Variants in ERC2 observed in about 807,000 individuals in gnomAD.
The protein encoded by ERC2 is ERC protein 2.
In ERC2, 42 loss-of-function variants were observed where a neutral mutation model predicts 114.8. The ratio of observed to expected loss-of-function variants is 0.37; its 90% CI spans 0.29 to 0.47. The LOEUF is 0.47. ERC2 is among the 20% of genes least tolerant of loss of function. ERC2 has a pLI of 0.99. For synonymous variants in ERC2, 454 were observed against 425.5 expected (o/e 1.07, Z -0.82); for missense variants, 939 against 1,150.7 (o/e 0.82, Z 2.66).
chr3:56,105,739 A>T (rs1341224115), intron 6 of ERC2, among the ~76,000 whole-genome samples: 1 of 152,188 alleles, frequency 6.6e-6, no homozygotes, highest in African/African-American at 2.4e-5. Context: ...TCCAGATAAG[A>T]ATTGACTGTG....
At chr3:55,633,902 G>A (rs78370739) in intron 17 of ERC2, among the ~76,000 whole-genome samples, 3,930 of 152,248 alleles carry the variant, frequency 0.026, 179 homozygotes, top group African/African-American at 0.089. Flanking sequence ...CACCATGCCT[G>A]GGAGTCAAGG....
At chr3:55,895,579 A>G (rs1277700299) in intron 13 of ERC2, among the ~76,000 whole-genome samples, 1 of 152,158 alleles carries the variant, frequency 6.6e-6, no homozygotes, top group Non-Finnish European at 1.5e-5. Flanking sequence ...TCTGCACAAT[A>G]TGTATGCTTA....
At chr3:55,976,420 G>A (rs1006331679) in intron 12 of ERC2, among the ~76,000 whole-genome samples, 18 of 152,112 alleles carry the variant, frequency 1.2e-4, no homozygotes, top group Middle Eastern at 3.4e-3. Flanking sequence ...ATTCCACTCC[G>A]AATGCCTTTT....
intron 14 of ERC2, among the ~76,000 whole-genome samples, chr3:55,864,138 T>TATATACACATATATATAC (rs1559782811): frequency 8.9e-5 from 11 of 124,104 alleles, no homozygotes; most frequent in East Asian, 8.3e-4. Context: ...CATATATATA[T>TATATACACATATATATAC]ACATATATAT....
chr3:56,016,062 T>C (rs979191875), intron 8 of ERC2, among the ~76,000 whole-genome samples: 8 of 152,214 alleles, frequency 5.3e-5, no homozygotes, highest in African/African-American at 1.7e-4. Flanking sequence ...TGTTTGTTTG[T>C]TTCTTGTAAA....
intron 17 of ERC2, among the ~76,000 whole-genome samples, chr3:55,628,844 A>T (rs1202887860): frequency 6.6e-6 from 1 of 152,236 alleles, no homozygotes; most frequent in African/African-American, 2.4e-5. Context: ...CAAGTTGTAG[A>T]TTTGAATTCT....
chr3:55,991,126 G>A (rs1487702489), intron 11 of ERC2, among the ~76,000 whole-genome samples: 2 of 152,144 alleles, frequency 1.3e-5, no homozygotes, highest in African/African-American at 4.8e-5. Flanking sequence ...TGTCACTGAA[G>A]CCCATGATCT....
rs530940533 is a variant in ERC2, at chr3:55,932,639, G to A, written c.2403+17786C>T. On this transcript the variant is annotated intron_variant, in intron 13 of 17. Transcript: ENST00000288221. ...ACAATCATCCCTCTTTTCCTTTCTG[G>A]TACCCCTTAAAATATATTCCCAATA... Among the ~76,000 whole-genome samples, 114 of 151,944 alleles carry A rather than the reference G, an allele frequency of 7.5e-4. 1 individual carries two copies. Among genetic ancestry groups the A allele is most frequent in the Non-Finnish European group, 3.4e-4 (23 of 67,996 alleles).
At chr3:56,449,134 C>T (rs2062719028) in intron 1 of ERC2, among the ~76,000 whole-genome samples, 1 of 151,384 alleles carries the variant, frequency 6.6e-6, no homozygotes, top group African/African-American at 2.4e-5. Context: ...TTTGCTGACA[C>T]CTGATCTGTA....
At chr3:55,712,493 C>T (rs2063826328) in intron 15 of ERC2, among the ~76,000 whole-genome samples, 1 of 152,200 alleles carries the variant, frequency 6.6e-6, no homozygotes, top group African/African-American at 2.4e-5. Context: ...TACTTCTCTG[C>T]AGAAGATTGT....
chr3:56,419,942 T>C lies in ERC2; in HGVS notation c.657+14409A>G, dbSNP rs534768328. 2.0e-5 allele frequency among the ~76,000 whole-genome samples: 3 copies of C among 152,312 alleles called. No homozygotes were observed. The South Asian group carries it at 6.2e-4, about 32-fold the overall frequency. On this transcript the variant is annotated intron_variant, in intron 2 of 17. Coordinates refer to ENST00000288221, the MANE Select transcript of ERC2 (RefSeq NM_015576.3). Reference sequence around the variant, plus strand: ...AATTTTATTTATTATTTGGTACATTTCTAAATTTAAGCAAGTTCTAAATCT... The same window carrying C: ...AATTTTATTTATTATTTGGTACATTCCTAAATTTAAGCAAGTTCTAAATCT...
intron 5 of ERC2, among the ~76,000 whole-genome samples, 162 bp from the exon 6 acceptor site, chr3:56,139,838 TC>T (rs2080747133): frequency 6.6e-6 from 1 of 152,124 alleles, no homozygotes; most frequent in South Asian, 2.1e-4. Flanking sequence ...AATCACACAG[TC>T]TTTGGGTTCT....
intron 13 of ERC2, among the ~76,000 whole-genome samples, chr3:55,922,612 G>A (rs1262705960): frequency 6.6e-6 from 1 of 152,032 alleles, no homozygotes; most frequent in African/African-American, 2.4e-5. Flanking sequence ...CCTCTCAGAT[G>A]TTCCTGGCTT....
At chr3:55,702,930 G>T (rs2063302152) in intron 15 of ERC2, among the ~76,000 whole-genome samples, 1 of 152,144 alleles carries the variant, frequency 6.6e-6, no homozygotes, top group South Asian at 2.1e-4. Flanking sequence ...ATTCACTGAG[G>T]CCCATTTTTA....
chr3:56,148,179 C>T (rs1401637220), intron 5 of ERC2, among the ~76,000 whole-genome samples: 8 of 152,118 alleles, frequency 5.3e-5, no homozygotes, highest in South Asian at 2.1e-4. Context: ...CCCTATTTCA[C>T]GGATAAAGAA....
chr3:56,304,039 C>T (rs935118932), intron 2 of ERC2, among the ~76,000 whole-genome samples: 27 of 151,970 alleles, frequency 1.8e-4, no homozygotes, highest in African/African-American at 6.0e-4. Flanking sequence ...AATATTTCAG[C>T]AGAAATATAG....
chr3:56,105,287 T>C (rs73089299), intron 6 of ERC2, among the ~76,000 whole-genome samples: 26,071 of 151,930 alleles, frequency 0.17, 2,441 homozygotes, highest in African/African-American at 0.23. Flanking sequence ...ATATGGTCAC[T>C]GGAGGGTTTT....
chr3:56,303,046 G>T (rs2055989094), intron 2 of ERC2, among the ~76,000 whole-genome samples: 1 of 152,142 alleles, frequency 6.6e-6, no homozygotes, highest in Non-Finnish European at 1.5e-5. Context: ...GTTTTTACTC[G>T]CCACCCTGTT....
intron 14 of ERC2, among the ~76,000 whole-genome samples, chr3:55,745,220 G>A (rs559872108): frequency 6.6e-6 from 1 of 152,308 alleles, no homozygotes; most frequent in African/African-American, 2.4e-5. Context: ...GACAAGCCAG[G>A]CTTGACTTGG....
Sources: gnomAD v4.1 joint callset for allele counts (sites outside exome capture counted in the v4.1 genomes callset) on GRCh38, gnomAD v4.1.1 for gene constraint, MANE v1.5 for transcripts, NCBI Gene and HGNC (gene_info 2026-07-23, HGNC 2026-07-21) for gene names.